Variants in DCBLD2 observed in about 807,000 individuals in gnomAD.
DCBLD2 encodes the protein discoidin, CUB and LCCL domain-containing protein 2.
In DCBLD2, 54 loss-of-function variants were observed where a neutral mutation model predicts 86.8. That is an observed-to-expected ratio of 0.62 (90% CI 0.50 to 0.78). DCBLD2 has a LOEUF of 0.78. Ranked by LOEUF, DCBLD2 falls within the 30% of genes least tolerant of loss-of-function variation. DCBLD2 has a pLI of 0.00. For missense variants in DCBLD2, 908 were observed against 954.2 expected, an observed-to-expected ratio of 0.95 and a Z score of 0.64; for synonymous variants, 354 against 341.3, an observed-to-expected ratio of 1.04 and a Z score of -0.41.
intron 3 of DCBLD2, among the ~76,000 whole-genome samples, chr3:98,847,615 G>C (rs1162265444): frequency 1.3e-5 from 2 of 152,106 alleles, no homozygotes; most frequent in Admixed American, 6.6e-5. Flanking sequence ...GCCCACCATA[G>C]CTGAGGAGGA....
At position 98,901,199 on chromosome 3, in the gene DCBLD2, G is replaced by A. The variant is rs578174921; in HGVS notation, c.128C>T (p.Ser43Phe). Residue 43 changes from serine (S) to phenylalanine (F), a missense_variant, in exon 1 of 16, where the codon TCC becomes TTC. By Grantham distance (155) the Ser-to-Phe change is radical. Coordinates refer to ENST00000326840, the MANE Select transcript of DCBLD2 (RefSeq NM_080927.4). Reference sequence around the variant, plus strand: ...GAGGAACAGAGGCATGGAGAAGGAGGAGGAGTTGGAGCAGGGAGGGAGGGA... The same window carrying A: ...GAGGAACAGAGGCATGGAGAAGGAGAAGGAGTTGGAGCAGGGAGGGAGGGA... ...SRSLPPCSNSSSFSMPLFLLL... is the reference protein window; with the variant it reads ...SRSLPPCSNSFSFSMPLFLLL... The A allele has an allele frequency of 1.4e-5, 21 of 1,536,492 alleles. No individual in the cohort carries two copies. Among genetic ancestry groups the A allele is most frequent in the Admixed American group, 9.8e-5 (5 of 51,004 alleles).
At position 98,800,675 on chromosome 3, in the gene DCBLD2, C is replaced by T. The variant is rs755623701; in HGVS notation, c.1762G>A (p.Val588Met). 5.5e-5 allele frequency: 88 copies of T among 1,613,848 alleles called. No homozygotes were observed. Among genetic ancestry groups the T allele is most frequent in the Non-Finnish European group, 7.3e-5 (86 of 1,179,880 alleles). The change falls in exon 15 of 16, where the codon GTG becomes ATG. Residue 588 changes from valine to methionine, a missense_variant. Transcript: ENST00000326840. ...GMKQFLPAKA[V>M]DHEETPVRYS... ...CGAACTGGGGTTTCCTCATGGTCCA[C>T]TGCTTTTGCAGGAAGAAACTGCTTC...
At position 98,796,519 on chromosome 3, in the gene DCBLD2, A is replaced by AGAT. The variant is rs1425820349; in HGVS notation, c.*2850_*2852dup. The AGAT allele has an allele frequency of 1.3e-5, 2 of 152,618 alleles. No homozygotes were observed. Among genetic ancestry groups the AGAT allele is most frequent in the East Asian group, 3.9e-4 (2 of 5,192 alleles). The allele number at this position is 152,618 out of a possible 1,614,324, so 9.5% of individuals were successfully genotyped here. ...CAGCTTTGTGGCCACATTCATATTT[A>AGAT]GATAAGCTCGGACTCTGCTCCCCTC... On this transcript the variant is annotated 3_prime_UTR_variant, in exon 16 of 16. Coordinates refer to ENST00000326840, the MANE Select transcript of DCBLD2 (RefSeq NM_080927.4).
At chr3:98,836,624 G>A (rs1183274420) in intron 3 of DCBLD2, among the ~76,000 whole-genome samples, 2 of 137,416 alleles carry the variant, frequency 1.5e-5, no homozygotes, top group African/African-American at 2.7e-5. Context: ...CTCCCAGACG[G>A]GGCGGCTGGC....
chr3:98,808,331 T>A (rs1186381849), intron 12 of DCBLD2, among the ~76,000 whole-genome samples, 157 bp from the exon 13 acceptor site: 1 of 152,226 alleles, frequency 6.6e-6, no homozygotes, highest in Non-Finnish European at 1.5e-5. Flanking sequence ...TGGTGGTAAC[T>A]GTAGAAGCTT....
At chr3:98,845,460 G>GAATTTA (rs1942704725) in intron 3 of DCBLD2, among the ~76,000 whole-genome samples, 1 of 151,926 alleles carries the variant, frequency 6.6e-6, no homozygotes, top group Non-Finnish European at 1.5e-5. Context: ...TTACAAACTG[G>GAATTTA]CATAATTCTA....
intron 3 of DCBLD2, among the ~76,000 whole-genome samples, chr3:98,836,948 G>C (rs1240743722): frequency 7.7e-4 from 73 of 95,374 alleles, no homozygotes; most frequent in Non-Finnish European, 1.3e-3. Flanking sequence ...CTCCCGGACG[G>C]GGCGGCTGGC....
intron 1 of DCBLD2, among the ~76,000 whole-genome samples, chr3:98,893,809 A>C (rs1837500): frequency 0.44 from 66,487 of 152,118 alleles, 14,709 homozygotes; most frequent in African/African-American, 0.46. Flanking sequence ...GGAAGAGGAC[A>C]AGGTTTCAGT....
intron 2 of DCBLD2, among the ~76,000 whole-genome samples, chr3:98,851,700 C>A (rs567836601): frequency 2.6e-5 from 4 of 152,302 alleles, no homozygotes; most frequent in African/African-American, 9.6e-5. Context: ...GCTACAGTAA[C>A]CCAAACAGCA....
At chr3:98,809,853 T>C (rs1414987629) in intron 12 of DCBLD2, among the ~76,000 whole-genome samples, 1 of 152,144 alleles carries the variant, frequency 6.6e-6, no homozygotes, top group East Asian at 1.9e-4. Flanking sequence ...AAATAATGAC[T>C]TAGACTAGAA....
intron 2 of DCBLD2, among the ~76,000 whole-genome samples, chr3:98,872,379 T>G (rs1943294576): frequency 6.6e-6 from 1 of 152,186 alleles, no homozygotes; most frequent in African/African-American, 2.4e-5. Context: ...CCCCTCTCTC[T>G]CTGCACAAGC....
chr3:98,860,012 T>A (rs551225097), intron 2 of DCBLD2, among the ~76,000 whole-genome samples: 2 of 152,202 alleles, frequency 1.3e-5, no homozygotes, highest in South Asian at 2.1e-4. Context: ...GAATAACCAG[T>A]GTAGAGAAGT....
In DCBLD2 at chr3:98,822,685, G is replaced by T; in HGVS notation, c.680C>A (p.Pro227His). 6.3e-7 allele frequency: 1 copy of T among 1,592,694 alleles called. No homozygotes were observed. Among genetic ancestry groups the T allele is most frequent in the Non-Finnish European group, 8.6e-7 (1 of 1,169,108 alleles). Residue 227 changes from proline (P) to histidine (H), a missense_variant, in exon 5 of 16, where the codon CCT becomes CAT. Physicochemically the swap from Pro to His is moderately conservative, Grantham distance 77. Coordinates refer to ENST00000326840, the MANE Select transcript of DCBLD2 (RefSeq NM_080927.4). ...LPFAEISGTI[P>H]HGYRDSSPLC... is the part of the protein sequence containing the mutation. Reference sequence around the variant, plus strand: ...CTGGCTTACATCTCTATATCCATGAGGAATTGTTCCAGATATCTCAGCAAA... The same window carrying T: ...CTGGCTTACATCTCTATATCCATGATGAATTGTTCCAGATATCTCAGCAAA...
chr3:98,822,648 A>G, intron 5 of DCBLD2, 21 bp downstream of exon 5: 1 of 1,546,124 alleles, frequency 6.5e-7, no homozygotes, highest in South Asian at 1.2e-5. Flanking sequence ...CAATTTTCAA[A>G]TAAGTTTATA....
intron 7 of DCBLD2, 125 bp from the exon 8 acceptor site, chr3:98,819,542 CAG>C: frequency 1.0e-6 from 1 of 996,282 alleles, no homozygotes; most frequent in Non-Finnish European, 1.5e-6. Flanking sequence ...TACACTGTAA[CAG>C]AGAAATTTCA....
chr3:98,896,622 T>C (rs1296636186), intron 1 of DCBLD2, among the ~76,000 whole-genome samples: 4 of 152,198 alleles, frequency 2.6e-5, no homozygotes, highest in African/African-American at 4.8e-5. Flanking sequence ...AAATTATAAG[T>C]CGATGGATTA....
rs374392851 is a variant in DCBLD2, at chr3:98,799,516, G to C, written c.2184C>G (p.Ala728=). ...LLSRTDSCSS[A]QAQYDTPKAG... ...CTTTCGGGGTATCATACTGGGCCTG[G>C]GCTGAGGAGCAGCTGTCAGTCCTGG... Residue 728 remains alanine, a synonymous_variant, in exon 16 of 16, where the codon GCC becomes GCG. Transcript: ENST00000326840. 6.2e-7 allele frequency: 1 copy of C among 1,613,988 alleles called. No individual in the cohort carries two copies. Among genetic ancestry groups the C allele is most frequent in the South Asian group, 1.1e-5 (1 of 91,080 alleles).
intron 1 of DCBLD2, 85 bp downstream of exon 1, chr3:98,901,037 A>G (rs1943839090): frequency 1.3e-6 from 2 of 1,530,622 alleles, no homozygotes; most frequent in Non-Finnish European, 1.7e-6. Context: ...GCCTCCCTGC[A>G]GCGTCTGCAG....
At chr3:98,811,364 A>T in intron 11 of DCBLD2, 45 bp from the exon 12 acceptor site, 1 of 1,612,328 alleles carries the variant, frequency 6.2e-7, no homozygotes, top group Non-Finnish European at 8.5e-7. Flanking sequence ...ATCTGTACCA[A>T]CTTGATTAAC....
Sources: allele counts gnomAD v4.1 joint callset (sites outside exome capture counted in the v4.1 genomes callset), GRCh38; gene constraint gnomAD v4.1.1; transcripts MANE v1.5; gene names NCBI Gene and HGNC (gene_info 2026-07-23, HGNC 2026-07-21).